Variants in CDYL observed in about 807,000 individuals in gnomAD.
CDYL encodes chromodomain Y-like protein.
Under a neutral mutation model 47.3 loss-of-function variants are expected in CDYL, and 8 were observed. The observed-to-expected ratio is 0.17, with a 90% CI of 0.10 to 0.31. The LOEUF (loss-of-function observed/expected upper bound fraction) is 0.31. Ranked by LOEUF, CDYL falls within the 10% of genes least tolerant of loss-of-function variation. CDYL has a pLI of 1.00. For synonymous variants in CDYL, 266 were observed against 265.0 expected, an observed-to-expected ratio of 1.00 and a Z score of -0.04; for missense variants, 471 against 701.4, an observed-to-expected ratio of 0.67 and a Z score of 3.71.
chr6:4,722,842 A>G (rs980739382), intron 2 of CDYL, among the ~76,000 whole-genome samples: 2 of 152,188 alleles, frequency 1.3e-5, no homozygotes, highest in Non-Finnish European at 2.9e-5. Flanking sequence ...GTGCCACCGT[A>G]CTCCAGCCTG....
At chr6:4,879,552 G>GTTTTTTTT (rs59685693) in intron 1 of CDYL, among the ~76,000 whole-genome samples, 3 of 106,152 alleles carry the variant, frequency 2.8e-5, no homozygotes, top group East Asian at 2.7e-4. Flanking sequence ...TTTTTGTGGG[G>GTTTTTTTT]TTTTTTTTTT....
At chr6:4,748,576 G>A (rs952572502) in intron 3 of CDYL, among the ~76,000 whole-genome samples, 2 of 151,780 alleles carry the variant, frequency 1.3e-5, no homozygotes, top group Non-Finnish European at 2.9e-5. Context: ...AATGGACACG[G>A]GGGTAGGGGT....
Position 4,895,411 on chromosome 6 carries a change from A to G in CDYL, c.691+3032A>G, listed in dbSNP as rs1388940569. On this transcript the variant is annotated intron_variant, in intron 2 of 6. Transcript: ENST00000397588. ...TGCATATATGCATGTATACATGTAT[A>G]CGTATATATGCATGTATACATGTAT... 3.9e-5 allele frequency among the ~76,000 whole-genome samples: 2 copies of G among 51,726 alleles called. 1 individual carries two copies. The highest frequency in any genetic ancestry group is 1.2e-4 in the African/African-American group (2 of 16,016). 33.9% of individuals were successfully genotyped at this position (51,726 alleles called of 152,430 possible).
chr6:4,849,154 CTTAGTCCATCG>C (rs1455586297), intron 1 of CDYL, among the ~76,000 whole-genome samples: 1 of 152,078 alleles, frequency 6.6e-6, no homozygotes, highest in Non-Finnish European at 1.5e-5. Context: ...ACTTCTTTGC[CTTAGTCCATCG>C]TTTCTCCTTT....
chr6:4,936,059 T>G (rs1480678192), intron 3 of CDYL, among the ~76,000 whole-genome samples: 1 of 152,222 alleles, frequency 6.6e-6, no homozygotes, highest in Admixed American at 6.5e-5. Context: ...ACCTCCTGCC[T>G]GGAAGCTCTT....
chr6:4,952,569 C>G (rs1001617230), intron 6 of CDYL, among the ~76,000 whole-genome samples, 160 bp downstream of exon 6: 1 of 152,178 alleles, frequency 6.6e-6, no homozygotes, highest in African/African-American at 2.4e-5. Flanking sequence ...GCCACTGCCC[C>G]CACGCACGCC....
chr6:4,842,194 A>G (rs1048633224), intron 1 of CDYL, among the ~76,000 whole-genome samples: 2 of 143,996 alleles, frequency 1.4e-5, no homozygotes, highest in Admixed American at 1.4e-4. Context: ...ATTAATATAA[A>G]TAATATAAAT....
At chr6:4,887,524 G>T (rs1269091122) in intron 1 of CDYL, among the ~76,000 whole-genome samples, 1 of 151,798 alleles carries the variant, frequency 6.6e-6, no homozygotes, top group African/African-American at 2.4e-5. Flanking sequence ...TTTAAAAATT[G>T]ATTTTTGTAT....
intron 1 of CDYL, among the ~76,000 whole-genome samples, chr6:4,835,219 T>G (rs1005612718): frequency 1.3e-4 from 20 of 152,172 alleles, no homozygotes; most frequent in African/African-American, 4.8e-4. Context: ...CTTTTGGACT[T>G]TGATGATGGT....
intron 3 of CDYL, among the ~76,000 whole-genome samples, chr6:4,770,204 G>C (rs779375676): frequency 1.2e-4 from 18 of 152,130 alleles, no homozygotes; most frequent in Non-Finnish European, 2.6e-4. Context: ...CGTGAGAGCA[G>C]GGATGATTGT....
chr6:4,924,698 C>A (rs1014280114), intron 2 of CDYL, among the ~76,000 whole-genome samples: 1 of 151,936 alleles, frequency 6.6e-6, no homozygotes, highest in Non-Finnish European at 1.5e-5. Context: ...CTCGAGTCAA[C>A]CAAAAAATGA....
intron 1 of CDYL, among the ~76,000 whole-genome samples, chr6:4,880,549 C>A (rs1240443177): frequency 6.6e-6 from 1 of 152,106 alleles, no homozygotes; most frequent in African/African-American, 2.4e-5. Context: ...TGGGTAAATA[C>A]TAGGGATCGT....
At chr6:4,894,995 T>TGTGTGTATGTGTATACA in intron 2 of CDYL, among the ~76,000 whole-genome samples, 1 of 151,284 alleles carries the variant, frequency 6.6e-6, no homozygotes, top group Non-Finnish European at 1.5e-5. Flanking sequence ...ATGTGTATAC[T>TGTGTGTATGTGTATACA]TGTGTGTATG....
rs747108171 is a variant in CDYL at position 4,943,504 on chromosome 6, A to G, written c.1122-42A>G. ...TAATAGACTTTTCCTTTGCTCAAAT[A>G]TGCAATGTTTTGAGTAATTCCCCAT... is the stretch of plus-strand genomic sequence containing the variant. On this transcript the variant is annotated intron_variant, in intron 4 of 6. Transcript: ENST00000397588. The G allele has an allele frequency of 8.9e-6, 12 of 1,344,292 alleles. No homozygotes were observed. In the Admixed American group the frequency reaches 1.6e-4, roughly 18 times the overall value. 83.3% of individuals were successfully genotyped at this position (1,344,292 alleles called of 1,614,324 possible). A position where few individuals can be genotyped will look rare whatever the true frequency, so the allele number is the denominator to read the frequency against.
intron 1 of CDYL, chr6:4,714,311 C>T (rs1285849557): frequency 2.6e-5 from 4 of 152,138 alleles, no homozygotes; most frequent in Admixed American, 2.0e-4. Context: ...GAGACAACAT[C>T]AGAGCACCTG....
intron 1 of CDYL, among the ~76,000 whole-genome samples, chr6:4,819,846 C>G (rs1236022588): frequency 6.6e-6 from 1 of 152,182 alleles, no homozygotes; most frequent in African/African-American, 2.4e-5. Flanking sequence ...GAACATCCTG[C>G]CATGCATAGG....
intron 2 of CDYL, among the ~76,000 whole-genome samples, chr6:4,905,581 G>T (rs1757210669): frequency 6.6e-6 from 1 of 152,176 alleles, no homozygotes; most frequent in African/African-American, 2.4e-5. Context: ...GGGGAAATCA[G>T]TCATAAAATT....
At chr6:4,950,069 A>C (rs1758649947) in intron 5 of CDYL, among the ~76,000 whole-genome samples, 1 of 152,160 alleles carries the variant, frequency 6.6e-6, no homozygotes, top group Non-Finnish European at 1.5e-5. Context: ...AGCAGAGAGA[A>C]GGGCCGTTCT....
At chr6:4,720,180 T>G (rs894052982) in intron 2 of CDYL, among the ~76,000 whole-genome samples, 2 of 152,196 alleles carry the variant, frequency 1.3e-5, no homozygotes, top group African/African-American at 2.4e-5. Context: ...AAAAAACTTG[T>G]AAACATTGAG....
Sources: allele counts gnomAD v4.1 joint callset (sites outside exome capture counted in the v4.1 genomes callset), GRCh38; gene constraint gnomAD v4.1.1; transcripts MANE v1.5; gene names NCBI Gene and HGNC (gene_info 2026-07-23, HGNC 2026-07-21).